The following TMEM132D variants were observed in gnomAD, a reference collection of about 807,000 sequenced individuals.
The protein encoded by TMEM132D is transmembrane protein 132D.
In TMEM132D, 21 loss-of-function variants were observed where a neutral mutation model predicts 62.3. The observed-to-expected ratio is 0.34, with a 90% CI of 0.24 to 0.49. TMEM132D has a LOEUF of 0.49. TMEM132D is among the 20% of genes least tolerant of loss of function. The probability of loss-of-function intolerance (pLI) is 0.99; values close to 1 mark genes in which losing one functional copy is unlikely to be tolerated. For synonymous variants in TMEM132D, 621 were observed against 575.6 expected (o/e 1.08, Z -1.13); for missense variants, 1,346 against 1,402.8 (o/e 0.96, Z 0.65).
intron 2 of TMEM132D, among the ~76,000 whole-genome samples, chr12:129,681,212 A>G (rs754742079): frequency 1.3e-5 from 2 of 152,176 alleles, no homozygotes; most frequent in Non-Finnish European, 2.9e-5. Context: ...ACTTTTCATG[A>G]CTACTGTTTA....
At chr12:129,699,240 A>G (rs1881312178) in intron 2 of TMEM132D, among the ~76,000 whole-genome samples, 1 of 152,228 alleles carries the variant, frequency 6.6e-6, no homozygotes, top group Admixed American at 6.5e-5. Context: ...CTTATATAAG[A>G]AACTCAACAA....
intron 1 of TMEM132D, among the ~76,000 whole-genome samples, chr12:129,754,743 A>G (rs915694301): frequency 6.6e-6 from 1 of 152,212 alleles, no homozygotes; most frequent in African/African-American, 2.4e-5. Context: ...CATTCATTAC[A>G]TTAAGGCAGT....
intron 3 of TMEM132D, among the ~76,000 whole-genome samples, chr12:129,490,978 G>A (rs1874775914): frequency 6.6e-6 from 1 of 152,038 alleles, no homozygotes; most frequent in Non-Finnish European, 1.5e-5. Flanking sequence ...GGTTCCCACG[G>A]ATTTCTTAGT....
chr12:129,851,651 T>C (rs1228514134), intron 1 of TMEM132D, among the ~76,000 whole-genome samples: 2 of 152,164 alleles, frequency 1.3e-5, no homozygotes, highest in African/African-American at 4.8e-5. Flanking sequence ...GCACCCATGT[T>C]CACAGCACTG....
At chr12:129,684,265 G>T (rs1880854117) in intron 2 of TMEM132D, among the ~76,000 whole-genome samples, 1 of 152,136 alleles carries the variant, frequency 6.6e-6, no homozygotes, top group African/African-American at 2.4e-5. Context: ...CGTGGGGGTA[G>T]TTACTCCCAT....
At chr12:129,145,762 C>T (rs925860878) in intron 5 of TMEM132D, among the ~76,000 whole-genome samples, 16 of 152,118 alleles carry the variant, frequency 1.1e-4, no homozygotes, top group African/African-American at 3.6e-4. Context: ...TCATCCTTCC[C>T]CCTCCCCAGC....
chr12:129,074,994 A>G lies in TMEM132D; in HGVS notation c.2181T>C (p.Asp727=), dbSNP rs201741072. The stretch of plus-strand genomic sequence containing the variant: ...TGGCCATCAAGGAGAAGTCTTTCCC[A>G]TCGTAAATATCCAAGGGCGTGACTG... ...DGSVTPLDIY[D]GKDFSLMATS... is the part of the protein sequence containing the mutation. Residue 727 remains aspartate (D), a synonymous_variant, in exon 9 of 9, where the codon GAT becomes GAC. Coordinates refer to ENST00000422113, the MANE Select transcript of TMEM132D (RefSeq NM_133448.3). 2.5e-6 allele frequency: 4 copies of G among 1,613,840 alleles called. No homozygotes were observed. The highest frequency in any genetic ancestry group is 1.6e-4 in the Middle Eastern group (1 of 6,062).
intron 2 of TMEM132D, among the ~76,000 whole-genome samples, chr12:129,656,008 G>A (rs7306463): frequency 0.48 from 72,222 of 151,940 alleles, 17,261 homozygotes; most frequent in Admixed American, 0.5. Context: ...AGCTGAAGCT[G>A]CTTCACCAAG....
intron 3 of TMEM132D, among the ~76,000 whole-genome samples, chr12:129,358,293 C>G (rs145783881): frequency 3.9e-5 from 6 of 152,160 alleles, no homozygotes; most frequent in African/African-American, 1.4e-4. Flanking sequence ...ATTCCAATGA[C>G]ATTTCTGGAA....
intron 4 of TMEM132D, among the ~76,000 whole-genome samples, chr12:129,250,601 A>G (rs1219953560): frequency 6.6e-6 from 1 of 152,186 alleles, no homozygotes; most frequent in African/African-American, 2.4e-5. Context: ...TTCCTCTTAG[A>G]TAGAACATCC....
At chr12:129,160,136 G>T (rs1459071498) in intron 5 of TMEM132D, among the ~76,000 whole-genome samples, 1 of 152,216 alleles carries the variant, frequency 6.6e-6, no homozygotes, top group African/African-American at 2.4e-5. Context: ...AGGAATCTAT[G>T]CTTTGCTACT....
chr12:129,222,887 G>A (rs1450707213), intron 4 of TMEM132D, among the ~76,000 whole-genome samples: 3 of 151,130 alleles, frequency 2.0e-5, no homozygotes, highest in Admixed American at 1.3e-4. Flanking sequence ...AATTTGCTGA[G>A]AGCACAGCTC....
At chr12:129,472,062 T>C (rs775967151) in intron 3 of TMEM132D, among the ~76,000 whole-genome samples, 4 of 152,216 alleles carry the variant, frequency 2.6e-5, no homozygotes, top group Non-Finnish European at 4.4e-5. Flanking sequence ...CAGCAAGTTA[T>C]CCAGAAGATC....
chr12:129,722,605 G>A (rs758869325), intron 1 of TMEM132D, among the ~76,000 whole-genome samples: 1 of 152,052 alleles, frequency 6.6e-6, no homozygotes, highest in Admixed American at 6.6e-5. Context: ...AGGCTCCGTC[G>A]GCCTTTCTCA....
At chr12:129,842,097 A>ATTGTTT (rs1566005017) in intron 1 of TMEM132D, among the ~76,000 whole-genome samples, 1 of 97,446 alleles carries the variant, frequency 1.0e-5, no homozygotes, top group Non-Finnish European at 2.0e-5. Context: ...CGCCCGGCTA[A>ATTGTTT]TTTTTTTTTT....
chr12:129,338,616 C>A (rs1869367343), intron 3 of TMEM132D, among the ~76,000 whole-genome samples: 1 of 151,986 alleles, frequency 6.6e-6, no homozygotes. Flanking sequence ...AAGGAAGTGA[C>A]CAGGGTGTAG....
Position 129,531,221 on chromosome 12 carries a change from C to T in TMEM132D, c.969-16G>A, listed in dbSNP as rs778509101. On this transcript the variant is annotated splice_polypyrimidine_tract_variant and intron_variant, in intron 2 of 8. Coordinates refer to ENST00000422113, the MANE Select transcript of TMEM132D (RefSeq NM_133448.3). ...CACCTTTGCCCTGTTGGAGACAGCA[C>T]GTGTGGGTCTGAGTCAGCTCTGGGG... The T allele has an allele frequency of 6.1e-5, 98 of 1,598,322 alleles. 2 individuals are homozygous for T. The South Asian group carries it at 9.7e-4, about 16-fold the overall frequency.
intron 5 of TMEM132D, among the ~76,000 whole-genome samples, chr12:129,136,335 G>A (rs567999929): frequency 5.3e-5 from 8 of 152,104 alleles, no homozygotes; most frequent in Admixed American, 2.0e-4. Flanking sequence ...GTGTCTTTAC[G>A]TGTCAGAGCT....
intron 5 of TMEM132D, among the ~76,000 whole-genome samples, chr12:129,120,059 G>A (rs1207418163): frequency 1.3e-5 from 2 of 152,174 alleles, no homozygotes; most frequent in Admixed American, 1.3e-4. Flanking sequence ...TATGGCTGGA[G>A]CCAAAGTGAA....
Sources: gnomAD v4.1 joint callset for allele counts (sites outside exome capture counted in the v4.1 genomes callset) on GRCh38, gnomAD v4.1.1 for gene constraint, MANE v1.5 for transcripts, NCBI Gene and HGNC (gene_info 2026-07-23, HGNC 2026-07-21) for gene names.